Variants in LDLRAD4 observed in about 807,000 individuals in gnomAD.
The protein encoded by LDLRAD4 is low density lipoprotein receptor class A domain containing 4, also known as low-density lipoprotein receptor class A domain-containing protein 4.
In LDLRAD4, 5 loss-of-function variants were observed where a neutral mutation model predicts 17.0. That is an observed-to-expected ratio of 0.29 (90% CI 0.15 to 0.62). The LOEUF is 0.62. Ranked by LOEUF, LDLRAD4 falls within the 20% of genes least tolerant of loss-of-function variation. The pLI, the probability that LDLRAD4 is intolerant of heterozygous loss-of-function variation, is 0.84. For missense variants in LDLRAD4, 340 were observed against 424.7 expected (o/e 0.80, Z 1.75); for synonymous variants, 168 against 171.8 (o/e 0.98, Z 0.17).
At chr18:13,498,196 A>G (rs2093516506) in intron 3 of LDLRAD4, among the ~76,000 whole-genome samples, 1 of 150,982 alleles carries the variant, frequency 6.6e-6, no homozygotes, top group Admixed American at 6.6e-5. Context: ...TTCTCCACAC[A>G]CACGTCCTGC....
chr18:13,606,463 T>G (rs574918168), intron 3 of LDLRAD4, among the ~76,000 whole-genome samples: 1 of 152,390 alleles, frequency 6.6e-6, no homozygotes, highest in Admixed American at 6.5e-5. Flanking sequence ...CATTATTGGC[T>G]TGCTAGCTCC....
At chr18:13,415,594 C>CGTAGTGTACT (rs2145765854) in intron 2 of LDLRAD4, among the ~76,000 whole-genome samples, 1 of 152,298 alleles carries the variant, frequency 6.6e-6, no homozygotes, top group South Asian at 2.1e-4. Context: ...GTTTCAGGTA[C>CGTAGTGTACT]GTAGTGTACT....
At chr18:13,373,155 ATG>A (rs35632499) in intron 1 of LDLRAD4, among the ~76,000 whole-genome samples, 15 of 149,660 alleles carry the variant, frequency 1.0e-4, no homozygotes, top group South Asian at 2.1e-4. Context: ...CAACTGTTTA[ATG>A]TGTGTGTGTG....
chr18:13,234,164 G>A (rs2042221067), intron 1 of LDLRAD4, among the ~76,000 whole-genome samples: 1 of 152,186 alleles, frequency 6.6e-6, no homozygotes, highest in South Asian at 2.1e-4. Context: ...ACCCGCGATG[G>A]TCTGGTCTGG....
intron 3 of LDLRAD4, chr18:13,612,364 G>A (rs2039651845): frequency 2.6e-6 from 3 of 1,148,596 alleles, no homozygotes; most frequent in South Asian, 2.4e-5. Context: ...CGGAGACCCC[G>A]GACTTATTCT....
At chr18:13,468,043 A>C (rs1555698734) in intron 3 of LDLRAD4, among the ~76,000 whole-genome samples, 1 of 152,194 alleles carries the variant, frequency 6.6e-6, no homozygotes, top group Non-Finnish European at 1.5e-5. Context: ...CGTAGGAGAA[A>C]ACATAGGGGT....
intron 3 of LDLRAD4, among the ~76,000 whole-genome samples, chr18:13,564,183 T>C (rs2094570094): frequency 6.6e-6 from 1 of 152,252 alleles, no homozygotes; most frequent in Non-Finnish European, 1.5e-5. Flanking sequence ...GGCTCCGGCA[T>C]AGGCCATTTT....
At chr18:13,454,632 T>TCATTTGAG (rs2092023657) in intron 3 of LDLRAD4, among the ~76,000 whole-genome samples, 1 of 152,246 alleles carries the variant, frequency 6.6e-6, no homozygotes, top group Non-Finnish European at 1.5e-5. Context: ...CGCTGAAGGA[T>TCATTTGAG]GCCTGTCTCT....
intron 1 of LDLRAD4, among the ~76,000 whole-genome samples, chr18:13,383,646 G>C (rs1013794426): frequency 2.0e-5 from 3 of 152,222 alleles, no homozygotes; most frequent in Non-Finnish European, 4.4e-5. Flanking sequence ...TTGCTGGTTG[G>C]TTTCTAAACT....
chr18:13,387,617 G>A, exon 2 of LDLRAD4: 5 of 1,039,378 alleles, frequency 4.8e-6, no homozygotes, highest in Non-Finnish European at 6.0e-6. Flanking sequence ...GCCCAGCAGA[G>A]CGATGGACTT....
At chr18:13,369,149 G>A (rs12608402) in intron 1 of LDLRAD4, among the ~76,000 whole-genome samples, 55,358 of 152,126 alleles carry the variant, frequency 0.36, 10,039 homozygotes, top group South Asian at 0.45. Context: ...CCAGGCTGAG[G>A]CCGGGCTCAC....
At chr18:13,346,884 A>G (rs2082724030) in intron 1 of LDLRAD4, among the ~76,000 whole-genome samples, 1 of 152,194 alleles carries the variant, frequency 6.6e-6, no homozygotes, top group Non-Finnish European at 1.5e-5. Context: ...GTCTTATCAG[A>G]GACTAGGATT....
intron 1 of LDLRAD4, among the ~76,000 whole-genome samples, chr18:13,317,276 A>G (rs900245563): frequency 5.9e-5 from 9 of 152,214 alleles, no homozygotes; most frequent in African/African-American, 2.2e-4. Context: ...CACGTATCCT[A>G]AGCTCTCAGG....
intron 1 of LDLRAD4, among the ~76,000 whole-genome samples, chr18:13,281,992 G>A (rs1189768596): frequency 6.6e-6 from 1 of 152,182 alleles, no homozygotes; most frequent in Non-Finnish European, 1.5e-5. Flanking sequence ...GACGGGAGGC[G>A]AAAGGCACTT....
intron 1 of LDLRAD4, among the ~76,000 whole-genome samples, chr18:13,230,084 C>A (rs758196830): frequency 1.3e-5 from 2 of 152,222 alleles, no homozygotes; most frequent in Non-Finnish European, 2.9e-5. Flanking sequence ...CACGAGGCTT[C>A]TCCCTCATGT....
At chr18:13,229,405 G>C (rs530881762) in intron 1 of LDLRAD4, among the ~76,000 whole-genome samples, 1 of 152,336 alleles carries the variant, frequency 6.6e-6, no homozygotes, top group African/African-American at 2.4e-5. Flanking sequence ...TCATATGTAT[G>C]CAGATCAGGT....
chr18:13,593,647 A>G (rs1397447320), intron 3 of LDLRAD4, among the ~76,000 whole-genome samples: 1 of 152,170 alleles, frequency 6.6e-6, no homozygotes, highest in Non-Finnish European at 1.5e-5. Context: ...GCTATGAGAT[A>G]GGGGCTTGCT....
intron 1 of LDLRAD4, among the ~76,000 whole-genome samples, chr18:13,373,509 T>C (rs2084675995): frequency 6.6e-6 from 1 of 152,254 alleles, no homozygotes; most frequent in African/African-American, 2.4e-5. Context: ...TCTTTTGCAT[T>C]TTTAGAATCA....
intron 4 of LDLRAD4, among the ~76,000 whole-genome samples, chr18:13,637,658 G>C (rs1187651011): frequency 6.6e-6 from 1 of 151,936 alleles, no homozygotes; most frequent in African/African-American, 2.4e-5. Context: ...TTGAGGTCAG[G>C]AGTTCGAGAC....
Sources: allele counts gnomAD v4.1 joint callset (sites outside exome capture counted in the v4.1 genomes callset), GRCh38; gene constraint gnomAD v4.1.1; transcripts MANE v1.5; gene names NCBI Gene and HGNC (gene_info 2026-07-23, HGNC 2026-07-21).